The following PCDHGA8 variants were observed in gnomAD, a reference collection of about 807,000 sequenced individuals.
The protein encoded by PCDHGA8 is protocadherin gamma-A8.
Under a neutral mutation model 59.2 loss-of-function variants are expected in PCDHGA8, and 45 were observed. The ratio of observed to expected loss-of-function variants is 0.76; its 90% CI spans 0.60 to 0.98. PCDHGA8 has a LOEUF of 0.98. Among genes scored for constraint, PCDHGA8 ranks in the 50% least tolerant of loss-of-function variants. PCDHGA8 has a pLI of 0.00. For synonymous variants in PCDHGA8, 531 were observed against 519.0 expected, an observed-to-expected ratio of 1.02 and a Z score of -0.32; for missense variants, 1,257 against 1,196.2, an observed-to-expected ratio of 1.05 and a Z score of -0.75.
chr5:141,414,986 A>G, intron 1 of PCDHGA8: 4 of 1,613,824 alleles, frequency 2.5e-6, no homozygotes, highest in Non-Finnish European at 3.4e-6. Context: ...GACTCCGGCC[A>G]GAACGCCTGG....
chr5:141,415,389 T>A lies in PCDHGA8; in HGVS notation c.2424+20152T>A, dbSNP rs1282535508. On this transcript the variant is annotated intron_variant, in intron 1 of 3. Transcript: ENST00000398604. ...AGGCTTCAGGAGGCGGCTTGACAGG[T>A]GTGTCCGGCTCGCACTTTGTGGGCG... 9.3e-6 allele frequency: 15 copies of A among 1,614,162 alleles called. No individual in the cohort carries two copies. The East Asian group carries it at 2.5e-4, about 26-fold the overall frequency.
chr5:141,395,542 T>TTGTTTG lies in PCDHGA8; in HGVS notation c.2424+308_2424+309insTTGTGT, dbSNP rs1267535064. On this transcript the variant is annotated intron_variant, in intron 1 of 3. Coordinates refer to ENST00000398604, the MANE Select transcript of PCDHGA8 (RefSeq NM_032088.2). ...TCCATACTGGTAATTTTGCTATTGTTTGTGTGTGTGTGTGTGTGTGTGTGT... is the reference window on the plus strand; with the variant it reads ...TCCATACTGGTAATTTTGCTATTGTTTGTTTGTGTGTGTGTGTGTGTGTGTGTGTGT... 2.4e-3 allele frequency: 418 copies of TTGTTTG among 172,622 alleles called. 4 individuals carry two copies. The highest frequency in any genetic ancestry group is 0.019 in the African/African-American group (326 of 17,544). The allele number at this position is 172,622 out of a possible 1,614,324, so 10.7% of individuals were successfully genotyped here.
intron 3 of PCDHGA8, among the ~76,000 whole-genome samples, chr5:141,509,064 C>T (rs890846779): frequency 6.6e-6 from 1 of 152,184 alleles, no homozygotes; most frequent in African/African-American, 2.4e-5. Flanking sequence ...AAGCTCTCAG[C>T]TCCGGGGATT....
intron 1 of PCDHGA8, chr5:141,405,249 G>C: frequency 1.2e-6 from 2 of 1,614,128 alleles, no homozygotes; most frequent in Non-Finnish European, 1.7e-6. Flanking sequence ...TCAAGGAAGA[G>C]TCACCTGATC....
chr5:141,464,519 A>G (rs974292961), intron 1 of PCDHGA8, among the ~76,000 whole-genome samples: 21 of 152,058 alleles, frequency 1.4e-4, no homozygotes, highest in African/African-American at 4.1e-4. Context: ...AGGTAAAGGC[A>G]TATGTAGTTT....
At chr5:141,415,909 C>A in intron 1 of PCDHGA8, 1 of 761,030 alleles carries the variant, frequency 1.3e-6, no homozygotes, top group Non-Finnish European at 1.8e-6. Flanking sequence ...GACTTCCATA[C>A]AGAAGTGCCT....
At chr5:141,426,453 G>A (rs902416171) in intron 1 of PCDHGA8, 4 of 310,612 alleles carry the variant, frequency 1.3e-5, no homozygotes, top group African/African-American at 8.6e-5. Flanking sequence ...ACATGCGGCT[G>A]CATGTTCAGG....
In PCDHGA8 at chr5:141,398,664, A is replaced by G. The variant is rs762356100; in HGVS notation, c.2424+3427A>G. The G allele has an allele frequency of 4.3e-6, 7 of 1,612,604 alleles. No individual in the cohort carries two copies. In the East Asian group the frequency reaches 8.9e-5, roughly 21 times the overall value. ...AACTCTCTCTTAACCCAAGTTTCTC[A>G]TTAATAATTAAGGAGAAACAGGATG... On this transcript the variant is annotated intron_variant, in intron 1 of 3. Transcript: ENST00000398604.
intron 1 of PCDHGA8, chr5:141,418,388 T>C: frequency 6.2e-7 from 1 of 1,613,942 alleles, no homozygotes; most frequent in Non-Finnish European, 8.5e-7. Flanking sequence ...TCCTAACGAG[T>C]ATTTCTCATT....
chr5:141,476,236 AAG>A lies in PCDHGA8; in HGVS notation c.2425-18565_2425-18564del. ...TCATTCACTATGAGATCCCGGAGGA[AAG>A]AGAGAAGGGTTTCGCTGTGGGCAAC... is the stretch of plus-strand genomic sequence containing the variant. On this transcript the variant is annotated intron_variant, in intron 1 of 3. Transcript: ENST00000398604. The surrounding 1 kb of genome is among the most constrained non-coding windows in gnomAD (Gnocchi z 7.6). 2.5e-6 allele frequency: 4 copies of A among 1,613,980 alleles called. No individual in the cohort carries two copies. Among genetic ancestry groups the A allele is most frequent in the Non-Finnish European group, 3.4e-6 (4 of 1,180,004 alleles).
At position 141,493,188 on chromosome 5, in the gene PCDHGA8, C is replaced by T. The variant is rs1292810486; in HGVS notation, c.2425-1619C>T. Among the ~76,000 whole-genome samples the T allele has an allele frequency of 2.6e-5, 4 of 152,216 alleles. No individual in the cohort carries two copies. Among genetic ancestry groups the T allele is most frequent in the Non-Finnish European group, 4.4e-5 (3 of 68,046 alleles). ...ATTGAGAGAAACTTACTATATAACT[C>T]CTTTGAGAACCTCATCTCATTTGCT... On this transcript the variant is annotated intron_variant, in intron 1 of 3. Coordinates refer to ENST00000398604, the MANE Select transcript of PCDHGA8 (RefSeq NM_032088.2). The surrounding 1 kb of genome is among the most constrained non-coding windows in gnomAD (Gnocchi z 4.3).
At chr5:141,437,652 A>T (rs899628392) in intron 1 of PCDHGA8, among the ~76,000 whole-genome samples, 1 of 152,196 alleles carries the variant, frequency 6.6e-6, no homozygotes, top group African/African-American at 2.4e-5. Context: ...AAGCAAACAC[A>T]TAGTTTCGAA....
intron 1 of PCDHGA8, chr5:141,412,214 A>G (rs1196919276): frequency 6.6e-6 from 1 of 152,196 alleles, no homozygotes; most frequent in African/African-American, 2.4e-5. Context: ...TGACATAAAC[A>G]CTTACTTGTT....
chr5:141,415,684 A>G, intron 1 of PCDHGA8: 2 of 1,437,842 alleles, frequency 1.4e-6, no homozygotes, highest in Non-Finnish European at 1.9e-6. Flanking sequence ...TTGCGGCATG[A>G]TGGTGGAAAG....
chr5:141,421,188 C>T lies in PCDHGA8; in HGVS notation c.2424+25951C>T, dbSNP rs1364019876. 2.0e-6 allele frequency: 3 copies of T among 1,471,410 alleles called. No individual in the cohort carries two copies. The South Asian group carries it at 4.0e-5, about 20-fold the overall frequency. The allele number at this position is 1,471,410 out of a possible 1,614,324, so 91.1% of individuals were successfully genotyped here. A position where few individuals can be genotyped will look rare whatever the true frequency, so the allele number is the denominator to read the frequency against. The stretch of plus-strand genomic sequence containing the variant: ...GATACATAAGCCGATTCACAACCAA[C>T]CAGCTCGAGAAACCGCGGAATATCG... On this transcript the variant is annotated intron_variant, in intron 1 of 3. Coordinates refer to ENST00000398604, the MANE Select transcript of PCDHGA8 (RefSeq NM_032088.2).
intron 1 of PCDHGA8, among the ~76,000 whole-genome samples, chr5:141,402,771 G>A (rs2094306356): frequency 6.6e-6 from 1 of 152,218 alleles, no homozygotes; most frequent in African/African-American, 2.4e-5. Context: ...ACTCCATCCG[G>A]ATTTCCAGTT....
At chr5:141,413,177 T>G (rs2095610843) in intron 1 of PCDHGA8, 4 of 1,602,350 alleles carry the variant, frequency 2.5e-6, no homozygotes, top group Non-Finnish European at 3.4e-6. Flanking sequence ...CAGACTACAA[T>G]GGCCGCTCAA....
chr5:141,398,329 G>A, intron 1 of PCDHGA8: 2 of 1,358,092 alleles, frequency 1.5e-6, no homozygotes, highest in African/African-American at 1.5e-5. Flanking sequence ...AAAACTGCGC[G>A]TCAGTTCGGA....
rs1461617825 is a variant in PCDHGA8, at chr5:141,431,902, G to A, written c.2424+36665G>A. On this transcript the variant is annotated intron_variant, in intron 1 of 3. Coordinates refer to ENST00000398604, the MANE Select transcript of PCDHGA8 (RefSeq NM_032088.2). This position sits in a 1 kb window ranked among gnomAD's most constrained non-coding sequence, Gnocchi z 4.8. ...ACCAAGATTCTGAGGAAAACGGACA[G>A]GTGATCTGTTTCATCCAAGGAAATC... 1.2e-6 allele frequency: 2 copies of A among 1,613,764 alleles called. No homozygotes were observed. The highest frequency in any genetic ancestry group is 1.3e-5 in the African/African-American group (1 of 74,918).
Sources: gnomAD v4.1 joint callset for allele counts (sites outside exome capture counted in the v4.1 genomes callset) on GRCh38, gnomAD v4.1.1 for gene constraint, Gnocchi (gnomAD v3.1) non-coding constraint, MANE v1.5 for transcripts, NCBI Gene and HGNC (gene_info 2026-07-23, HGNC 2026-07-21) for gene names.